NFX1: variants seen among roughly 807,000 people sequenced by gnomAD.
NFX1 encodes the protein transcriptional repressor NF-X1.
A neutral mutation model predicts 137.2 loss-of-function variants in NFX1; 69 were observed. The observed-to-expected ratio is 0.50, with a 90% confidence interval of 0.41 to 0.61. The LOEUF is 0.61. Ranked by LOEUF, NFX1 falls within the 20% of genes least tolerant of loss-of-function variation. The pLI, the probability that NFX1 is intolerant of heterozygous loss-of-function variation, is 0.00. For synonymous variants in NFX1, 495 were observed against 474.1 expected, an observed-to-expected ratio of 1.04 and a Z score of -0.57; for missense variants, 1,167 against 1,391.0, an observed-to-expected ratio of 0.84 and a Z score of 2.56.
At chr9:33,354,301 G>A in intron 18 of NFX1, 114 bp downstream of exon 18, 1 of 791,118 alleles carries the variant, frequency 1.3e-6, no homozygotes, top group Non-Finnish European at 2.0e-6. Flanking sequence ...TACACAATAA[G>A]TATTCAATAG....
chr9:33,358,456 T>C (rs1403616658), intron 19 of NFX1, among the ~76,000 whole-genome samples: 1 of 151,956 alleles, frequency 6.6e-6, no homozygotes, highest in Non-Finnish European at 1.5e-5. Context: ...ATTATTATTA[T>C]TTAATGTGAC....
At chr9:33,291,811 G>C (rs1821171880) in intron 1 of NFX1, among the ~76,000 whole-genome samples, 1 of 152,208 alleles carries the variant, frequency 6.6e-6, no homozygotes. Flanking sequence ...GCTGAGGCAA[G>C]AGAATTGCTT....
chr9:33,325,692 G>C (rs551295573), intron 9 of NFX1, among the ~76,000 whole-genome samples: 13 of 152,038 alleles, frequency 8.6e-5, no homozygotes, highest in Non-Finnish European at 1.3e-4. Context: ...AAAGAAAACT[G>C]TCAACCAAGA....
intron 14 of NFX1, among the ~76,000 whole-genome samples, chr9:33,345,387 G>GTTC (rs780913690): frequency 2.6e-4 from 40 of 151,564 alleles, no homozygotes; most frequent in Non-Finnish European, 4.7e-4. Context: ...TGAGGCAAGA[G>GTTC]AATCACTTGA....
chr9:33,360,722 CA>C (rs1473884908), intron 19 of NFX1, among the ~76,000 whole-genome samples: 1 of 152,160 alleles, frequency 6.6e-6, no homozygotes, highest in Non-Finnish European at 1.5e-5. Flanking sequence ...AGCCCACAGA[CA>C]GGTTTTATTG....
intron 19 of NFX1, among the ~76,000 whole-genome samples, chr9:33,359,402 C>T (rs1450727598): frequency 6.6e-6 from 1 of 151,984 alleles, no homozygotes; most frequent in Non-Finnish European, 1.5e-5. Flanking sequence ...AGTTCGAGAC[C>T]AGCCTGGTCA....
At chr9:33,306,275 G>A (rs141827607) in intron 4 of NFX1, among the ~76,000 whole-genome samples, 1 of 152,292 alleles carries the variant, frequency 6.6e-6, no homozygotes, top group Non-Finnish European at 1.5e-5. Flanking sequence ...CAGAGTTGAC[G>A]TCACTGACAG....
rs1240434751 is a variant in NFX1, at chr9:33,332,484, A to G, written c.2017A>G (p.Thr673Ala). 2.5e-6 allele frequency: 4 copies of G among 1,587,170 alleles called. No homozygotes were observed. Among genetic ancestry groups the G allele is most frequent in the Non-Finnish European group, 3.4e-6 (4 of 1,163,886 alleles). ...TCTTTTTCCATAGGAGCTTCCATGT[A>G]CCAGTCTCAAAAGTGAAGGTATGAC... ...CSFRTKELPC[T>A]SLKSEDATFM... Residue 673 changes from threonine (T) to alanine (A), a missense_variant, in exon 11 of 24, where the codon ACC becomes GCC. Transcript: ENST00000379540.
In NFX1 at chr9:33,293,276, A is replaced by G. The variant is rs1821226192; in HGVS notation, c.26-1144A>G. On this transcript the variant is annotated intron_variant, in intron 1 of 23. Coordinates refer to ENST00000379540, the MANE Select transcript of NFX1 (RefSeq NM_002504.6). ...ATGAGTTAATACATGTAAAGTGCTTAGGATAGTGCCTGGCACATAATACCT... is the reference window on the plus strand; with the variant it reads ...ATGAGTTAATACATGTAAAGTGCTTGGGATAGTGCCTGGCACATAATACCT... Among the ~76,000 whole-genome samples the G allele has an allele frequency of 2.0e-5, 3 of 152,228 alleles. No homozygotes were observed. In the South Asian group the frequency reaches 6.2e-4, roughly 32 times the overall value.
Position 33,303,251 on chromosome 9 carries a change from C to T in NFX1, c.1253C>T (p.Thr418Ile). ...CQNVSAHVPN[T>I]YTCFCGKVKN... ...AATGTTTCTGCACATGTTCCTAATACCTACACTTGTTTCTGTGGTAAGTTT... is the reference window on the plus strand; with the variant it reads ...AATGTTTCTGCACATGTTCCTAATATCTACACTTGTTTCTGTGGTAAGTTT... Residue 418 changes from threonine (T) to isoleucine (I), a missense_variant, in exon 4 of 24, where the codon ACC (threonine) becomes ATC (isoleucine). Thr to Ile is a moderately conservative substitution (Grantham distance 89). Transcript: ENST00000379540. 5 of 1,613,996 alleles carry T rather than the reference C, an allele frequency of 3.1e-6. No homozygotes were observed. Among genetic ancestry groups the T allele is most frequent in the Non-Finnish European group, 4.2e-6 (5 of 1,179,930 alleles).
At chr9:33,353,524 G>C (rs867172048) in intron 17 of NFX1, among the ~76,000 whole-genome samples, 3 of 152,094 alleles carry the variant, frequency 2.0e-5, no homozygotes, top group African/African-American at 7.2e-5. Flanking sequence ...TACCTACTAA[G>C]TGCCAAGTGT....
At chr9:33,355,606 C>G (rs1434392781) in intron 19 of NFX1, among the ~76,000 whole-genome samples, 1 of 147,520 alleles carries the variant, frequency 6.8e-6, no homozygotes, top group Admixed American at 6.8e-5. Context: ...TTTGTATTAA[C>G]TGTTAGACTA....
intron 16 of NFX1, 59 bp from the exon 17 acceptor site, chr9:33,352,587 G>A (rs550700384): frequency 7.1e-7 from 1 of 1,416,776 alleles, no homozygotes; most frequent in Admixed American, 1.7e-5. Flanking sequence ...AGAGTGAAAA[G>A]TGCTTTATTC....
rs1821565665 is a variant in NFX1, at chr9:33,301,500, T to TA, written c.1192+80dup. The TA allele has an allele frequency of 3.4e-6, 5 of 1,462,184 alleles. No individual in the cohort carries two copies. The East Asian group carries it at 1.2e-4, about 34-fold the overall frequency. 90.6% of individuals were successfully genotyped at this position (1,462,184 alleles called of 1,614,324 possible). A position where few individuals can be genotyped will look rare whatever the true frequency, so the allele number is the denominator to read the frequency against. On this transcript the variant is annotated intron_variant, in intron 3 of 23. Coordinates refer to ENST00000379540, the MANE Select transcript of NFX1 (RefSeq NM_002504.6). ...GTATTATTAAGCCCAGCTTTAAAAA[T>TA]ACAGTTTAATTTCTCTTAACTACTT...
chr9:33,325,726 T>C (rs570898384), intron 9 of NFX1, among the ~76,000 whole-genome samples: 19 of 152,230 alleles, frequency 1.2e-4, no homozygotes, highest in African/African-American at 4.6e-4. Context: ...TGAAACTAAC[T>C]TTAGAAAATG....
At position 33,295,342 on chromosome 9, in the gene NFX1, T is replaced by C. The variant is rs1564098404; in HGVS notation, c.948T>C (p.Thr316=). 2 of 1,614,168 alleles carry C rather than the reference T, an allele frequency of 1.2e-6. No homozygotes were observed. Among genetic ancestry groups the C allele is most frequent in the East Asian group, 2.2e-5 (1 of 44,890 alleles). ...SSRRVDQEKC[T]VRRQDPQVVS... ...GGAGGGTTGACCAAGAGAAATGCAC[T>C]GTACGGAGGCAGGATCCTCAAGTAG... Residue 316 remains threonine (T), a synonymous_variant, in exon 2 of 24, where the codon ACT becomes ACC. Coordinates refer to ENST00000379540, the MANE Select transcript of NFX1 (RefSeq NM_002504.6).
chr9:33,319,381 A>G (rs937772037), intron 9 of NFX1, among the ~76,000 whole-genome samples: 2 of 152,152 alleles, frequency 1.3e-5, no homozygotes, highest in Non-Finnish European at 2.9e-5. Context: ...TTACTGTTCC[A>G]TAGGGGTTAT....
At chr9:33,323,249 A>G (rs141864148) in intron 9 of NFX1, among the ~76,000 whole-genome samples, 2 of 152,228 alleles carry the variant, frequency 1.3e-5, no homozygotes, top group Admixed American at 6.5e-5. Flanking sequence ...TAGCCAAGTC[A>G]CAAAACAAAT....
chr9:33,332,993 C>G (rs1822865848), intron 11 of NFX1, among the ~76,000 whole-genome samples: 1 of 152,100 alleles, frequency 6.6e-6, no homozygotes, highest in Non-Finnish European at 1.5e-5. Context: ...TTACAGGTGT[C>G]CACCACTACA....
Sources: gnomAD v4.1 joint callset for allele counts (sites outside exome capture counted in the v4.1 genomes callset) on GRCh38, gnomAD v4.1.1 for gene constraint, MANE v1.5 for transcripts, NCBI Gene and HGNC (gene_info 2026-07-23, HGNC 2026-07-21) for gene names.